Variants in PRICKLE2 observed in about 807,000 individuals in gnomAD.
The protein encoded by PRICKLE2 is prickle-like protein 2.
PRICKLE2 carries 21 observed loss-of-function variants against 81.4 expected under a neutral mutation model. That is an observed-to-expected ratio of 0.26 (90% CI 0.18 to 0.37). The LOEUF (loss-of-function observed/expected upper bound fraction) is 0.37, where lower values mean the gene tolerates loss of function less well. PRICKLE2 is among the 10% of genes least tolerant of loss of function. The probability of loss-of-function intolerance (pLI) is 1.00; values close to 1 mark genes in which losing one functional copy is unlikely to be tolerated. For synonymous variants in PRICKLE2, 456 were observed against 421.5 expected (o/e 1.08, Z -1.00); for missense variants, 940 against 1,109.0 (o/e 0.85, Z 2.16).
intron 7 of PRICKLE2, among the ~76,000 whole-genome samples, chr3:64,126,823 G>A (rs891585338): frequency 6.6e-6 from 1 of 152,010 alleles, no homozygotes; most frequent in Non-Finnish European, 1.5e-5. Context: ...TGATCTGCCC[G>A]CCTCGGCCTC....
Position 64,159,994 on chromosome 3 carries a change from G to A in PRICKLE2, c.342C>T (p.Gly114=). The A allele has an allele frequency of 6.2e-7, 1 of 1,614,092 alleles. No individual in the cohort carries two copies. Among genetic ancestry groups the A allele is most frequent in the Non-Finnish European group, 8.5e-7 (1 of 1,180,008 alleles). Residue 114 remains glycine, a synonymous_variant, in exon 4 of 8, where the codon GGC becomes GGT. Coordinates refer to ENST00000638394, the MANE Select transcript of PRICKLE2 (RefSeq NM_198859.4). ...CTGGGAAAGGCCTGACATTCCCGCG[G>A]CCCAAGTTTTCGCGTTTCCTCTGGC... The part of the protein sequence containing the change: ...FSSQRKRENL[G]RGNVRPFPVT...
At chr3:64,183,909 G>A (rs1218799001) in intron 2 of PRICKLE2, among the ~76,000 whole-genome samples, 2 of 152,184 alleles carry the variant, frequency 1.3e-5, no homozygotes, top group Non-Finnish European at 2.9e-5. Flanking sequence ...TTACCCTGAT[G>A]TCGTAGGGGA....
At chr3:64,199,141 G>A (rs930303306) in intron 1 of PRICKLE2, 174 bp from the exon 2 acceptor site, 25 of 662,392 alleles carry the variant, frequency 3.8e-5, no homozygotes, top group East Asian at 3.0e-4. Context: ...TGCAGAGGGC[G>A]TGGTACACGC....
chr3:64,245,628 T>C (rs1214426826), intron 2 of PRICKLE2, among the ~76,000 whole-genome samples: 1 of 152,224 alleles, frequency 6.6e-6, no homozygotes, highest in Non-Finnish European at 1.5e-5. Flanking sequence ...TAAGTATTCC[T>C]GTCTGGGCCA....
At chr3:64,111,317 A>G (rs2076843284) in intron 7 of PRICKLE2, among the ~76,000 whole-genome samples, 1 of 152,256 alleles carries the variant, frequency 6.6e-6, no homozygotes, top group Admixed American at 6.5e-5. Flanking sequence ...ATGTTGTCAT[A>G]TATGAAATTG....
intron 7 of PRICKLE2, among the ~76,000 whole-genome samples, chr3:64,126,446 C>G (rs2077108084): frequency 6.6e-6 from 1 of 152,186 alleles, no homozygotes; most frequent in Non-Finnish European, 1.5e-5. Flanking sequence ...GCTCAAAACC[C>G]AAAGAAAGGA....
chr3:64,233,593 T>A (rs578016050), intron 2 of PRICKLE2, among the ~76,000 whole-genome samples: 1 of 152,336 alleles, frequency 6.6e-6, no homozygotes, highest in African/African-American at 2.4e-5. Context: ...GAGGGCTAAG[T>A]CTTACCATCC....
intron 2 of PRICKLE2, among the ~76,000 whole-genome samples, chr3:64,191,063 G>A (rs149105038): frequency 5.3e-5 from 8 of 152,240 alleles, no homozygotes; most frequent in Non-Finnish European, 7.4e-5. Context: ...CCACTGGGAC[G>A]AACTTGTATC....
chr3:64,121,311 C>T (rs879680066), intron 7 of PRICKLE2, among the ~76,000 whole-genome samples: 3 of 152,292 alleles, frequency 2.0e-5, no homozygotes, highest in Non-Finnish European at 4.4e-5. Flanking sequence ...CAAAAACAGG[C>T]TTCAGTGCAG....
intron 2 of PRICKLE2, among the ~76,000 whole-genome samples, chr3:64,254,505 G>A (rs1575719148): frequency 6.6e-6 from 1 of 152,248 alleles, no homozygotes; most frequent in East Asian, 1.9e-4. Context: ...TGGAAGGTGA[G>A]CAAAAAGACA....
At chr3:64,162,869 A>T in intron 3 of PRICKLE2, 147 bp downstream of exon 3, 1 of 761,330 alleles carries the variant, frequency 1.3e-6, no homozygotes, top group Non-Finnish European at 2.4e-6. Flanking sequence ...TGGCCAGTTT[A>T]TTTTGGCCCT....
chr3:64,152,122 T>C (rs375117896), intron 6 of PRICKLE2, among the ~76,000 whole-genome samples: 1 of 152,230 alleles, frequency 6.6e-6, no homozygotes, highest in Non-Finnish European at 1.5e-5. Context: ...TCACTTCTTA[T>C]GAACCAAGAA....
intron 2 of PRICKLE2, among the ~76,000 whole-genome samples, chr3:64,232,638 T>C (rs1489643845): frequency 2.0e-5 from 3 of 148,668 alleles, no homozygotes; most frequent in Admixed American, 6.8e-5. Context: ...CCTGTATATC[T>C]ACATTTGCTT....
intron 2 of PRICKLE2, among the ~76,000 whole-genome samples, chr3:64,178,967 CTTT>C: frequency 4.6e-5 from 1 of 21,826 alleles, no homozygotes; most frequent in Non-Finnish European, 9.0e-5. Context: ...TACATATTTT[CTTT>C]CTTTCTTTCT....
intron 2 of PRICKLE2, among the ~76,000 whole-genome samples, chr3:64,232,836 C>T (rs2079125532): frequency 6.6e-6 from 1 of 152,172 alleles, no homozygotes; most frequent in Non-Finnish European, 1.5e-5. Flanking sequence ...GGCAACTCCA[C>T]ACTCCCAACG....
intron 2 of PRICKLE2, among the ~76,000 whole-genome samples, chr3:64,250,459 G>T (rs896514188): frequency 5.3e-5 from 8 of 152,172 alleles, no homozygotes; most frequent in Non-Finnish European, 7.4e-5. Flanking sequence ...GGTTTACCTA[G>T]CATGGGGGTG....
At chr3:64,218,271 C>T (rs892288817) in intron 1 of PRICKLE2, among the ~76,000 whole-genome samples, 4 of 152,164 alleles carry the variant, frequency 2.6e-5, no homozygotes, top group Non-Finnish European at 5.9e-5. Context: ...TAAATCAGAA[C>T]ATTTTTTACT....
At chr3:64,145,097 AT>A (rs56414517) in intron 7 of PRICKLE2, among the ~76,000 whole-genome samples, 44,031 of 139,818 alleles carry the variant, frequency 0.31, 7,400 homozygotes, top group East Asian at 0.51. Flanking sequence ...ATAATATTAA[AT>A]TTTTTTTTTT....
intron 2 of PRICKLE2, among the ~76,000 whole-genome samples, chr3:64,177,320 A>G (rs1052041034): frequency 6.6e-6 from 1 of 151,704 alleles, no homozygotes; most frequent in Admixed American, 6.6e-5. Flanking sequence ...TATTTTTAAT[A>G]GAGACAGGGT....
Sources: allele counts gnomAD v4.1 joint callset (sites outside exome capture counted in the v4.1 genomes callset), GRCh38; gene constraint gnomAD v4.1.1; transcripts MANE v1.5; gene names NCBI Gene and HGNC (gene_info 2026-07-23, HGNC 2026-07-21).